RAD51B: variants seen among roughly 807,000 people sequenced by gnomAD.
The protein encoded by RAD51B is DNA repair protein RAD51 homolog 2.
Under a neutral mutation model 42.2 loss-of-function variants are expected in RAD51B, and 38 were observed. The observed-to-expected ratio is 0.90, with a 90% CI of 0.70 to 1.18. The LOEUF (loss-of-function observed/expected upper bound fraction) is 1.18, where lower values mean the gene tolerates loss of function less well. RAD51B is among the 50% of genes most tolerant of loss of function. The pLI, the probability that RAD51B is intolerant of heterozygous loss-of-function variation, is 0.00. For synonymous variants in RAD51B, 154 were observed against 145.2 expected (o/e 1.06, Z -0.43); for missense variants, 373 against 400.7 (o/e 0.93, Z 0.59).
intron 7 of RAD51B, among the ~76,000 whole-genome samples, chr14:67,993,783 T>C (rs1334054080): frequency 6.6e-6 from 1 of 152,184 alleles, no homozygotes; most frequent in African/African-American, 2.4e-5. Context: ...TTCTCCATAG[T>C]GGTGGTAATA....
chr14:67,864,905 T>C, intron 4 of RAD51B, 98 bp from the exon 5 acceptor site: 1 of 1,422,580 alleles, frequency 7.0e-7, no homozygotes, highest in East Asian at 2.6e-5. Context: ...ACTGCATATA[T>C]GGCAAAGTCT....
At chr14:67,995,740 T>C (rs10151387) in intron 7 of RAD51B, among the ~76,000 whole-genome samples, 43,237 of 151,296 alleles carry the variant, frequency 0.29, 8,322 homozygotes, top group African/African-American at 0.55. Context: ...GCCTCAGCCT[T>C]CCGAGTAGCT....
At chr14:68,028,650 T>G (rs1323697049) in intron 7 of RAD51B, among the ~76,000 whole-genome samples, 1 of 152,052 alleles carries the variant, frequency 6.6e-6, no homozygotes, top group Non-Finnish European at 1.5e-5. Context: ...CTGCTGGAAA[T>G]GTACTCAAGA....
Position 68,371,532 on chromosome 14 carries a change from G to A in RAD51B, c.854-39892G>A, listed in dbSNP as rs554372415. 2.0e-5 allele frequency among the ~76,000 whole-genome samples: 3 copies of A among 151,822 alleles called. No individual in the cohort carries two copies. In the South Asian group the frequency reaches 6.3e-4, roughly 32 times the overall value. ...ACTCCATCTGAAGAAAAAAAAAAGG[G>A]GTTCTGTCCTAGAATAGTTGCATTT... On this transcript the variant is annotated intron_variant, in intron 8 of 10. Transcript: ENST00000471583.
chr14:68,536,913 C>CA (rs72240237), intron 10 of RAD51B, among the ~76,000 whole-genome samples: 30,628 of 148,882 alleles, frequency 0.21, 3,371 homozygotes, highest in Middle Eastern at 0.36. Context: ...GCTGTCTCTA[C>CA]AAAAAAAAAT....
At chr14:68,537,618 G>A (rs1887715163) in intron 10 of RAD51B, among the ~76,000 whole-genome samples, 1 of 152,048 alleles carries the variant, frequency 6.6e-6, no homozygotes, top group African/African-American at 2.4e-5. Context: ...AGGGATTGTT[G>A]GAAAAGAGGA....
chr14:68,017,868 C>T (rs1263199115), intron 7 of RAD51B, among the ~76,000 whole-genome samples: 1 of 151,840 alleles, frequency 6.6e-6, no homozygotes, highest in Admixed American at 6.6e-5. Flanking sequence ...CTACTCGGGA[C>T]GCTGAGGCAG....
chr14:67,895,634 T>C (rs998491849), intron 7 of RAD51B, among the ~76,000 whole-genome samples: 1 of 152,214 alleles, frequency 6.6e-6, no homozygotes, highest in Non-Finnish European at 1.5e-5. Context: ...TCCACAGTTG[T>C]ATCCTTTGAA....
chr14:68,078,504 T>C (rs889857196), intron 7 of RAD51B, among the ~76,000 whole-genome samples: 5 of 152,152 alleles, frequency 3.3e-5, no homozygotes, highest in African/African-American at 9.7e-5. Flanking sequence ...CTTTTTTTTT[T>C]CCTTCCAAAT....
At chr14:68,345,652 T>C (rs1233836644) in intron 8 of RAD51B, among the ~76,000 whole-genome samples, 2 of 151,582 alleles carry the variant, frequency 1.3e-5, no homozygotes, top group African/African-American at 4.8e-5. Context: ...GCGTCAGGTG[T>C]TTCTTTCTTT....
intron 7 of RAD51B, among the ~76,000 whole-genome samples, chr14:68,241,671 T>C (rs2080391249): frequency 6.7e-6 from 1 of 150,164 alleles, no homozygotes; most frequent in African/African-American, 2.4e-5. Context: ...TCAGGTTTTA[T>C]TTTTTTTTTA....
chr14:67,981,496 AG>A (rs1235696588), intron 7 of RAD51B, among the ~76,000 whole-genome samples: 3 of 152,234 alleles, frequency 2.0e-5, no homozygotes, highest in Non-Finnish European at 4.4e-5. Context: ...TGTCCATGCA[AG>A]GGCTTGTACA....
chr14:68,315,556 C>G (rs948000568), intron 8 of RAD51B, among the ~76,000 whole-genome samples: 22 of 152,134 alleles, frequency 1.4e-4, no homozygotes, highest in African/African-American at 5.1e-4. Flanking sequence ...GAGTCTCACT[C>G]TATCACCCAG....
intron 7 of RAD51B, among the ~76,000 whole-genome samples, chr14:68,181,473 T>A (rs954861908): frequency 1.3e-5 from 2 of 152,214 alleles, no homozygotes; most frequent in African/African-American, 4.8e-5. Context: ...CAAGGACCTT[T>A]CTATCTGTCC....
intron 10 of RAD51B, among the ~76,000 whole-genome samples, chr14:68,508,469 G>A (rs1321645379): frequency 4.6e-5 from 7 of 152,220 alleles, no homozygotes; most frequent in Non-Finnish European, 1.5e-5. Context: ...CTGTTAGCTA[G>A]AGACCGTTGC....
chr14:67,866,981 T>C (rs941701396), intron 5 of RAD51B, among the ~76,000 whole-genome samples: 3 of 152,214 alleles, frequency 2.0e-5, no homozygotes, highest in Non-Finnish European at 4.4e-5. Context: ...CTTTATATTG[T>C]ATTTGGTTTT....
At chr14:68,392,347 G>A (rs1197518694) in intron 8 of RAD51B, among the ~76,000 whole-genome samples, 2 of 152,116 alleles carry the variant, frequency 1.3e-5, no homozygotes, top group African/African-American at 2.4e-5. Context: ...TTGGAATGTA[G>A]GGGGTGCCCT....
chr14:68,112,767 G>T (rs1947946823), intron 7 of RAD51B, among the ~76,000 whole-genome samples: 1 of 152,112 alleles, frequency 6.6e-6, no homozygotes, highest in South Asian at 2.1e-4. Flanking sequence ...AGCAATACCT[G>T]CTAGATGCTT....
intron 8 of RAD51B, among the ~76,000 whole-genome samples, chr14:68,302,912 C>G (rs12890062): frequency 6.6e-6 from 1 of 152,148 alleles, no homozygotes; most frequent in Non-Finnish European, 1.5e-5. Flanking sequence ...AACCTTCCAG[C>G]GTGGGCATTA....
Sources: gnomAD v4.1 joint callset for allele counts (sites outside exome capture counted in the v4.1 genomes callset) on GRCh38, gnomAD v4.1.1 for gene constraint, MANE v1.5 for transcripts, NCBI Gene and HGNC (gene_info 2026-07-23, HGNC 2026-07-21) for gene names.